Variants in ZDBF2 observed in about 807,000 individuals in gnomAD.
ZDBF2 encodes zinc finger DBF-type containing 2.
In ZDBF2, 6 loss-of-function variants were observed where a neutral mutation model predicts 9.4. The observed-to-expected ratio is 0.64, with a 90% CI of 0.35 to 1.27. ZDBF2 has a LOEUF of 1.27. ZDBF2 is among the 50% of genes most tolerant of loss of function. The probability of loss-of-function intolerance (pLI) is 0.03; values close to 1 mark genes in which losing one functional copy is unlikely to be tolerated. For synonymous variants in ZDBF2, 905 were observed against 946.3 expected, an observed-to-expected ratio of 0.96 and a Z score of 0.80; for missense variants, 2,697 against 2,766.8, an observed-to-expected ratio of 0.97 and a Z score of 0.57.
rs763549391 is a variant in ZDBF2, at chr2:206,311,225, T to C, written c.6697T>C (p.Phe2233Leu). 3.1e-6 allele frequency: 5 copies of C among 1,612,024 alleles called. No individual in the cohort carries two copies. The highest frequency in any genetic ancestry group is 4.2e-6 in the Non-Finnish European group (5 of 1,179,132). The change falls in exon 5 of 5, where the codon TTT becomes CTT. Residue 2233 changes from phenylalanine to leucine, a missense_variant. By Grantham distance (22) the Phe-to-Leu change is conservative. This residue lies in a region of ZDBF2 where 1,783 missense variants were observed against 1,776.5 expected (regional missense o/e 1.00). Coordinates refer to ENST00000374423, the MANE Select transcript of ZDBF2 (RefSeq NM_020923.3). ...IRKYISKYSVFLRHRYQSRSA... is the reference protein window; with the variant it reads ...IRKYISKYSVLLRHRYQSRSA... ...AAAGTATATTTCGAAATACTCTGTC[T>C]TTTTACGTCATAGATATCAGTCCAG...
At chr2:206,290,963 TGTTA>T (rs1691859772) in intron 3 of ZDBF2, among the ~76,000 whole-genome samples, 1 of 152,230 alleles carries the variant, frequency 6.6e-6, no homozygotes, top group Admixed American at 6.5e-5. Flanking sequence ...TTAAGTTTGA[TGTTA>T]GTTGTGGGTT....
chr2:206,304,672 A>G (rs761836994), intron 4 of ZDBF2, 45 bp from the exon 5 acceptor site: 1 of 1,540,098 alleles, frequency 6.5e-7, no homozygotes, highest in East Asian at 2.2e-5. Context: ...AATATTTTAA[A>G]CAGACATTAG....
chr2:206,285,254 T>C (rs1402526019), intron 3 of ZDBF2, among the ~76,000 whole-genome samples: 1 of 152,230 alleles, frequency 6.6e-6, no homozygotes, highest in African/African-American at 2.4e-5. Context: ...TATAATAATT[T>C]GTATTCCCAC....
chr2:206,310,097 T>C lies in ZDBF2; in HGVS notation c.5569T>C (p.Cys1857Arg). 1 of 1,613,774 alleles carries C rather than the reference T, an allele frequency of 6.2e-7. No individual in the cohort carries two copies. Among genetic ancestry groups the C allele is most frequent in the Non-Finnish European group, 8.5e-7 (1 of 1,179,822 alleles). The change falls in exon 5 of 5, where the codon TGT becomes CGT. Residue 1857 changes from cysteine to arginine, a missense_variant. Coordinates refer to ENST00000374423, the MANE Select transcript of ZDBF2 (RefSeq NM_020923.3). ...GGAGTTTAGGGAAGGTCGTTTCCAC[T>C]GTTACTTTGATGATGACTGTGAGAC... ...VKEFREGRFH[C>R]YFDDDCETKK...
rs908722075 is a variant in ZDBF2, at chr2:206,308,535, C to T, written c.4007C>T (p.Pro1336Leu). The T allele has an allele frequency of 2.0e-5, 33 of 1,613,348 alleles. No individual in the cohort carries two copies. The highest frequency in any genetic ancestry group is 2.8e-5 in the Non-Finnish European group (33 of 1,179,762). The stretch of plus-strand genomic sequence containing the variant: ...GAAATAATTTATGTTTCAAATATCC[C>T]TCTTCAGTCAGTGATAAAACAACCA... ...DSEIIYVSNI[P>L]LQSVIKQPHI... The change falls in exon 5 of 5, where the codon CCT becomes CTT. Residue 1336 changes from proline (P) to leucine (L), a missense_variant. Transcript: ENST00000374423.
chr2:206,307,144 A>G lies in ZDBF2; in HGVS notation c.2616A>G (p.Ile872Met). 1.2e-6 allele frequency: 2 copies of G among 1,612,992 alleles called. No homozygotes were observed. The highest frequency in any genetic ancestry group is 1.7e-6 in the Non-Finnish European group (2 of 1,179,602). ...RKNDEPSGSE[I>M]SSDSHAPLHS... ...ATGATGAACCCAGTGGTTCTGAAAT[A>G]AGTTCGGATTCCCATGCCCCTCTTC... The change falls in exon 5 of 5, where the codon ATA becomes ATG. Residue 872 changes from isoleucine to methionine, a missense_variant. Ile to Met is a conservative substitution (Grantham distance 10, BLOSUM62 1). This residue lies in a region of ZDBF2 where 1,783 missense variants were observed against 1,776.5 expected (regional missense o/e 1.00). Transcript: ENST00000374423.
chr2:206,298,078 C>T (rs1193907805), intron 4 of ZDBF2, among the ~76,000 whole-genome samples: 1 of 152,180 alleles, frequency 6.6e-6, no homozygotes, highest in Non-Finnish European at 1.5e-5. Flanking sequence ...TAATAGAACT[C>T]TTTGCTAATT....
In ZDBF2 at chr2:206,306,686, G is replaced by C. The variant is rs368129483; in HGVS notation, c.2158G>C (p.Asp720His). The change falls in exon 5 of 5, where the codon GAT becomes CAT. Residue 720 changes from aspartate to histidine, a missense_variant. By Grantham distance (81) the Asp-to-His change is moderately conservative. Transcript: ENST00000374423. ...GGCTTCTCTTTATCATTCAGCTCATGATGAGCCTCAAGAAGCTTTGGATGA... is the reference window on the plus strand; with the variant it reads ...GGCTTCTCTTTATCATTCAGCTCATCATGAGCCTCAAGAAGCTTTGGATGA... The part of the protein sequence containing the change: ...SPASLYHSAH[D>H]EPQEALDEVN... 311 of 1,613,772 alleles carry C rather than the reference G, an allele frequency of 1.9e-4. 2 individuals are homozygous for C. The South Asian group carries it at 2.5e-3, about 13-fold the overall frequency.
At chr2:206,297,202 A>G in intron 3 of ZDBF2, 44 bp from the exon 4 acceptor site, 1 of 844,438 alleles carries the variant, frequency 1.2e-6, no homozygotes, top group Non-Finnish European at 2.0e-6. Context: ...CTCACTACTG[A>G]ATACTGTCCA....
intron 3 of ZDBF2, among the ~76,000 whole-genome samples, chr2:206,294,653 C>T (rs1692075539): frequency 6.6e-6 from 1 of 152,140 alleles, no homozygotes. Flanking sequence ...CCCTGTCTCT[C>T]CTGACCCAGT....
Position 206,310,095 on chromosome 2 carries a change from A to T in ZDBF2, c.5567A>T (p.His1856Leu). Residue 1856 changes from histidine to leucine, a missense_variant, in exon 5 of 5, where the codon CAC (histidine) becomes CTC (leucine). His to Leu is a moderately conservative substitution (Grantham distance 99). Around this residue, in one of 3 missense-constraint regions of ZDBF2, gnomAD observed 1,783 missense variants for 1,776.5 expected, o/e 1.00. Transcript: ENST00000374423. ...AAGGAGTTTAGGGAAGGTCGTTTCC[A>T]CTGTTACTTTGATGATGACTGTGAG... The part of the protein sequence containing the change: ...LVKEFREGRF[H>L]CYFDDDCETK... The T allele has an allele frequency of 6.2e-7, 1 of 1,613,748 alleles. No homozygotes were observed. Among genetic ancestry groups the T allele is most frequent in the South Asian group, 1.1e-5 (1 of 91,032 alleles).
intron 3 of ZDBF2, among the ~76,000 whole-genome samples, chr2:206,287,379 C>T (rs982710330): frequency 2.6e-5 from 4 of 152,148 alleles, no homozygotes; most frequent in African/African-American, 7.2e-5. Flanking sequence ...GTAGTTTTAG[C>T]ACTTTCAATA....
chr2:206,310,679 GATT>G lies in ZDBF2; in HGVS notation c.6157_6159del (p.Tyr2053del), dbSNP rs1186257323. On this transcript the variant is annotated inframe_deletion, in exon 5 of 5. Transcript: ENST00000374423. ...ATGCAAATATAAACGGAATATCTTT[GATT>G]ATTATGAGCCCTTGATTAAGCAAAT... 1 of 1,612,242 alleles carries G rather than the reference GATT, an allele frequency of 6.2e-7. No individual in the cohort carries two copies. Among genetic ancestry groups the G allele is most frequent in the Non-Finnish European group, 8.5e-7 (1 of 1,179,146 alleles).
In ZDBF2 at chr2:206,304,720, A is replaced by G. The variant is rs781285151; in HGVS notation, c.192A>G (p.Ser64=). The G allele has an allele frequency of 3.8e-6, 6 of 1,598,172 alleles. No homozygotes were observed. In the Middle Eastern group the frequency reaches 7.2e-4, roughly 192 times the overall value. Residue 64 remains serine (S), a synonymous_variant, in exon 5 of 5, where the codon TCA becomes TCG. Transcript: ENST00000374423. ...AGTTTCCCCCCTTTCGTTTTAGTTC[A>G]ACACAAGATGAGACACATGTGAATA... The part of the protein sequence containing the change: ...HHPYHCQESS[S]TQDETHVNTG...
chr2:206,279,481 G>C (rs1284272958), intron 1 of ZDBF2, 59 bp from the exon 2 acceptor site: 4 of 151,932 alleles, frequency 2.6e-5, no homozygotes, highest in Admixed American at 6.6e-5. Context: ...GTATTTATTT[G>C]GTCAATGGTA....
chr2:206,275,179 A>T (rs917342259), intron 1 of ZDBF2, among the ~76,000 whole-genome samples: 1 of 151,832 alleles, frequency 6.6e-6, no homozygotes, highest in Non-Finnish European at 1.5e-5. Context: ...CGAGGGAAGG[A>T]GGTGGGGCGC....
chr2:206,291,013 G>GTA (rs1559138167), intron 3 of ZDBF2, among the ~76,000 whole-genome samples: 1 of 152,106 alleles, frequency 6.6e-6, no homozygotes, highest in African/African-American at 2.4e-5. Flanking sequence ...TCATGAAAGG[G>GTA]TATAGGCTTT....
Position 206,305,290 on chromosome 2 carries a change from T to C in ZDBF2, c.762T>C (p.His254=). The C allele has an allele frequency of 6.2e-7, 1 of 1,612,918 alleles. No homozygotes were observed. Among genetic ancestry groups the C allele is most frequent in the Non-Finnish European group, 8.5e-7 (1 of 1,179,498 alleles). The change falls in exon 5 of 5, where the codon CAT becomes CAC. Residue 254 remains histidine (H), a synonymous_variant. Coordinates refer to ENST00000374423, the MANE Select transcript of ZDBF2 (RefSeq NM_020923.3). ...CTACTTCATTTTCGTATCAGAAACA[T>C]AAAGAATCAAATAGGAAATCTTTAC... ...VETTSFSYQK[H]KESNRKSLRM... is the part of the protein sequence containing the mutation.
chr2:206,275,506 A>G (rs1217507456), intron 1 of ZDBF2, among the ~76,000 whole-genome samples: 1 of 152,130 alleles, frequency 6.6e-6, no homozygotes, highest in Non-Finnish European at 1.5e-5. Context: ...AGTTGTGTAA[A>G]TGTGGTCGTG....
Sources: allele counts gnomAD v4.1 joint callset (sites outside exome capture counted in the v4.1 genomes callset), GRCh38; gene constraint gnomAD v4.1.1; regional missense constraint gnomAD v4.1.1; transcripts MANE v1.5; gene names NCBI Gene and HGNC (gene_info 2026-07-23, HGNC 2026-07-21).